Variants in OPCML observed in about 807,000 individuals in gnomAD.
OPCML encodes the protein opioid binding protein/cell adhesion molecule like, also known as opioid-binding protein/cell adhesion molecule.
A neutral mutation model predicts 37.8 loss-of-function variants in OPCML; 13 were observed. The ratio of observed to expected loss-of-function variants is 0.34; its 90% CI spans 0.22 to 0.55. The LOEUF is 0.55. OPCML is among the 20% of genes least tolerant of loss of function. The pLI is 0.91. For synonymous variants in OPCML, 176 were observed against 168.8 expected, an observed-to-expected ratio of 1.04 and a Z score of -0.33; for missense variants, 341 against 435.6, an observed-to-expected ratio of 0.78 and a Z score of 1.93.
chr11:132,437,683 A>T (rs2096017851), intron 4 of OPCML, among the ~76,000 whole-genome samples: 1 of 152,214 alleles, frequency 6.6e-6, no homozygotes, highest in South Asian at 2.1e-4. Flanking sequence ...ACTTCAGTGC[A>T]TTGCCAAACT....
At chr11:133,083,146 A>G (rs944249971) in intron 1 of OPCML, among the ~76,000 whole-genome samples, 5 of 150,282 alleles carry the variant, frequency 3.3e-5, no homozygotes, top group Admixed American at 2.0e-4. Flanking sequence ...ACACACACGC[A>G]CACACACACA....
At chr11:132,422,389 A>T (rs7102356) in intron 7 of OPCML, among the ~76,000 whole-genome samples, 1 of 152,200 alleles carries the variant, frequency 6.6e-6, no homozygotes, top group Non-Finnish European at 1.5e-5. Context: ...GAATAGTAAA[A>T]GGAAATGAGT....
intron 2 of OPCML, among the ~76,000 whole-genome samples, chr11:132,681,273 A>T (rs1162426469): frequency 6.6e-6 from 1 of 152,086 alleles, no homozygotes; most frequent in Non-Finnish European, 1.5e-5. Context: ...TTCCCACTCA[A>T]ATGTTGCCTT....
chr11:132,600,108 G>C (rs1229703488), intron 3 of OPCML, among the ~76,000 whole-genome samples: 12 of 152,134 alleles, frequency 7.9e-5, no homozygotes, highest in Admixed American at 7.9e-4. Context: ...TGAGCTGCTT[G>C]GTCCATGTGC....
chr11:133,353,374 G>T (rs977793076), intron 1 of OPCML, among the ~76,000 whole-genome samples: 4 of 152,082 alleles, frequency 2.6e-5, no homozygotes, highest in Non-Finnish European at 5.9e-5. Flanking sequence ...TGGCCAGGCT[G>T]GTCTTAAACT....
chr11:133,247,410 T>C (rs575007265), intron 1 of OPCML, among the ~76,000 whole-genome samples: 1 of 152,314 alleles, frequency 6.6e-6, no homozygotes, highest in East Asian at 1.9e-4. Context: ...AGTTTCTCCC[T>C]GTACTGAGTT....
chr11:132,486,495 A>T (rs1360410031), intron 4 of OPCML, among the ~76,000 whole-genome samples: 1 of 152,124 alleles, frequency 6.6e-6, no homozygotes, highest in East Asian at 1.9e-4. Context: ...TCCCTGCTCA[A>T]ATAAGTTTGG....
intron 2 of OPCML, among the ~76,000 whole-genome samples, chr11:132,733,200 A>G (rs1945139911): frequency 6.6e-6 from 1 of 152,130 alleles, no homozygotes; most frequent in Admixed American, 6.5e-5. Context: ...AGCCTTGGCT[A>G]AAGATTTCCT....
chr11:132,582,717 TA>T (rs2096464616), intron 3 of OPCML, among the ~76,000 whole-genome samples: 1 of 152,178 alleles, frequency 6.6e-6, no homozygotes, highest in African/African-American at 2.4e-5. Context: ...AATATGGAGA[TA>T]TGCTTTCCAT....
chr11:133,252,783 T>C (rs1682956614), intron 1 of OPCML, among the ~76,000 whole-genome samples: 1 of 152,126 alleles, frequency 6.6e-6, no homozygotes, highest in Non-Finnish European at 1.5e-5. Context: ...GTAGGAGGGT[T>C]ATGGTCAATT....
intron 2 of OPCML, among the ~76,000 whole-genome samples, chr11:132,861,953 T>C (rs944252709): frequency 6.6e-6 from 1 of 152,204 alleles, no homozygotes; most frequent in South Asian, 2.1e-4. Context: ...TGTTTAGTCT[T>C]TTTGTTTTCC....
chr11:133,221,576 T>C (rs1402292783), intron 1 of OPCML, among the ~76,000 whole-genome samples: 1 of 152,046 alleles, frequency 6.6e-6, no homozygotes, highest in Non-Finnish European at 1.5e-5. Flanking sequence ...GAATCACAAC[T>C]CCCACGTCCA....
intron 1 of OPCML, among the ~76,000 whole-genome samples, chr11:133,061,281 T>C (rs976523887): frequency 9.2e-5 from 14 of 152,254 alleles, no homozygotes; most frequent in African/African-American, 3.4e-4. Context: ...TGGGGAACTA[T>C]TGGCAGACTC....
At chr11:133,130,542 TCATA>T (rs1949587990) in intron 1 of OPCML, among the ~76,000 whole-genome samples, 1 of 152,168 alleles carries the variant, frequency 6.6e-6, no homozygotes, top group African/African-American at 2.4e-5. Context: ...TATTTCGTGT[TCATA>T]GATAGAAAGA....
At chr11:132,543,188 T>C (rs1040145713) in intron 3 of OPCML, among the ~76,000 whole-genome samples, 1 of 152,174 alleles carries the variant, frequency 6.6e-6, no homozygotes, top group Admixed American at 6.5e-5. Context: ...ATAAATGATA[T>C]GATAAAAGTA....
chr11:133,353,119 A>G (rs1203828471), intron 1 of OPCML, among the ~76,000 whole-genome samples: 1 of 152,078 alleles, frequency 6.6e-6, no homozygotes, highest in Non-Finnish European at 1.5e-5. Flanking sequence ...TCAGAATCAC[A>G]CCTATCCAAA....
chr11:132,610,599 C>T (rs1363465832), intron 3 of OPCML, among the ~76,000 whole-genome samples: 3 of 152,078 alleles, frequency 2.0e-5, no homozygotes, highest in Non-Finnish European at 2.9e-5. Context: ...GACTGGCGCT[C>T]GGAACTAGGG....
intron 1 of OPCML, among the ~76,000 whole-genome samples, chr11:133,272,403 A>C (rs1264783005): frequency 6.6e-6 from 1 of 152,226 alleles, no homozygotes; most frequent in Non-Finnish European, 1.5e-5. Context: ...AATGCACTGC[A>C]ATAAGACCCA....
At chr11:133,373,448 T>TATATATATATATATATATATATACACAC (rs966091785) in intron 1 of OPCML, among the ~76,000 whole-genome samples, 16 of 132,152 alleles carry the variant, frequency 1.2e-4, no homozygotes, top group African/African-American at 4.1e-4. Flanking sequence ...TATATATATA[T>TATATATATATATATATATATATACACAC]ACACACACAC....
Sources: allele counts gnomAD v4.1 joint callset (sites outside exome capture counted in the v4.1 genomes callset), GRCh38; gene constraint gnomAD v4.1.1; transcripts MANE v1.5; gene names NCBI Gene and HGNC (gene_info 2026-07-23, HGNC 2026-07-21).